Variants in NSUN6 observed in about 807,000 individuals in gnomAD.
NSUN6 encodes NOP2/Sun RNA methyltransferase 6.
Under a neutral mutation model 58.0 loss-of-function variants are expected in NSUN6, and 64 were observed. That is an observed-to-expected ratio of 1.10 (90% CI 0.90 to 1.36). The LOEUF (loss-of-function observed/expected upper bound fraction) is 1.36, where lower values mean the gene tolerates loss of function less well. NSUN6 is among the 40% of genes most tolerant of loss of function. NSUN6 has a pLI of 0.00. For missense variants in NSUN6, 701 were observed against 550.1 expected (o/e 1.27, Z -2.74); for synonymous variants, 231 against 193.9 (o/e 1.19, Z -1.59).
chr10:18,582,113 G>A (rs929785976), intron 8 of NSUN6, among the ~76,000 whole-genome samples: 3 of 152,028 alleles, frequency 2.0e-5, no homozygotes, highest in East Asian at 1.9e-4. Flanking sequence ...CCTTGCCTTC[G>A]TGTGCATGTG....
At position 18,636,798 on chromosome 10, in the gene NSUN6, A is replaced by C. The variant is rs988768467; in HGVS notation, c.311+5678T>G. 1.3e-4 allele frequency among the ~76,000 whole-genome samples: 20 copies of C among 152,090 alleles called. 1 individual carries two copies. In the South Asian group the frequency reaches 1.7e-3, roughly 13 times the overall value. On this transcript the variant is annotated intron_variant, in intron 3 of 10. Coordinates refer to ENST00000377304, the MANE Select transcript of NSUN6 (RefSeq NM_182543.5). ...TCCCAGCTACTCGGGAGGCTGAGGC[A>C]GAACTGCTTGAACCTGGGAGGCGGA...
intron 3 of NSUN6, among the ~76,000 whole-genome samples, chr10:18,633,234 C>T (rs1232935184): frequency 1.4e-5 from 2 of 145,280 alleles, no homozygotes; most frequent in Admixed American, 7.3e-5. Context: ...GGAAGGGGAA[C>T]ATCACACTCT....
chr10:18,650,247 G>A (rs1455554419), intron 1 of NSUN6, among the ~76,000 whole-genome samples: 1 of 146,010 alleles, frequency 6.8e-6, no homozygotes, highest in African/African-American at 2.5e-5. Context: ...TTTTTAACTT[G>A]ACTAAAAAAT....
At chr10:18,611,995 A>G (rs1361830700) in intron 5 of NSUN6, among the ~76,000 whole-genome samples, 1 of 152,158 alleles carries the variant, frequency 6.6e-6, no homozygotes, top group East Asian at 1.9e-4. Context: ...TTTTAATCAG[A>G]GGTAAAACTC....
In NSUN6 at chr10:18,567,450, GCTCCATTCCATTCCATT is replaced by G. The variant is rs1564731625; in HGVS notation, c.923-15496_923-15480del. Among the ~76,000 whole-genome samples the G allele has an allele frequency of 1.8e-4, 23 of 128,592 alleles. No homozygotes were observed. The South Asian group carries it at 5.8e-3, about 33-fold the overall frequency. The allele number at this position is 128,592 out of a possible 152,430, so 84.4% of individuals were successfully genotyped here. A position where few individuals can be genotyped will look rare whatever the true frequency, so the allele number is the denominator to read the frequency against. On this transcript the variant is annotated intron_variant, in intron 8 of 10. Coordinates refer to ENST00000377304, the MANE Select transcript of NSUN6 (RefSeq NM_182543.5). ...CATTCCATGCTCCATTCCATTCCAT[GCTCCATTCCATTCCATT>G]CTCCATACCATCCTCCATTCCATTC...
intron 6 of NSUN6, among the ~76,000 whole-genome samples, chr10:18,603,468 C>CTTTTTTTTTTTTTT (rs1465029374): frequency 6.7e-6 from 1 of 149,610 alleles, no homozygotes. Flanking sequence ...TTTTTCTTTT[C>CTTTTTTTTTTTTTT]TTTTCTTTTC....
chr10:18,594,416 T>G (rs2057500422), intron 7 of NSUN6, among the ~76,000 whole-genome samples: 1 of 150,660 alleles, frequency 6.6e-6, no homozygotes, highest in South Asian at 2.1e-4. Context: ...CCAGGTTCAG[T>G]GATAGACACT....
chr10:18,609,817 TA>T, intron 6 of NSUN6, 27 bp downstream of exon 6: 1 of 1,175,636 alleles, frequency 8.5e-7, no homozygotes, highest in Non-Finnish European at 1.3e-6. Flanking sequence ...TCAATGTCAC[TA>T]AATATTTTAC....
intron 8 of NSUN6, among the ~76,000 whole-genome samples, chr10:18,575,945 T>C (rs1333827549): frequency 2.0e-5 from 3 of 152,104 alleles, no homozygotes; most frequent in Non-Finnish European, 4.4e-5. Flanking sequence ...GGGGATCACA[T>C]CCTCATCAAA....
intron 3 of NSUN6, among the ~76,000 whole-genome samples, chr10:18,626,715 C>A (rs575416219): frequency 4.6e-5 from 7 of 152,174 alleles, no homozygotes; most frequent in South Asian, 4.1e-4. Flanking sequence ...TGCAGTGAGC[C>A]GAGATCGTGC....
In NSUN6 at chr10:18,548,259, C is replaced by CCA. The variant is rs752155395; in HGVS notation, c.1072-24_1072-23dup. 13 of 1,600,826 alleles carry CCA rather than the reference C, an allele frequency of 8.1e-6. No individual in the cohort carries two copies. In the South Asian group the frequency reaches 1.1e-4, roughly 14 times the overall value. On this transcript the variant is annotated intron_variant, in intron 9 of 10. Coordinates refer to ENST00000377304, the MANE Select transcript of NSUN6 (RefSeq NM_182543.5). ...CCGCCTAAAGAAAACTGTGATCAGACCACACACAGCACAAGACCAGATAAA... is the reference window on the plus strand; with the variant it reads ...CCGCCTAAAGAAAACTGTGATCAGACCACACACACAGCACAAGACCAGATAAA...
chr10:18,606,533 C>G (rs1344898971), intron 6 of NSUN6, among the ~76,000 whole-genome samples: 1 of 152,120 alleles, frequency 6.6e-6, no homozygotes, highest in Non-Finnish European at 1.5e-5. Flanking sequence ...ATATTCACAG[C>G]ATTTGGAGCT....
intron 1 of NSUN6, 39 bp from the exon 2 acceptor site, chr10:18,648,684 A>C (rs1322665121): frequency 8.0e-7 from 1 of 1,257,658 alleles, no homozygotes; most frequent in Non-Finnish European, 1.1e-6. Flanking sequence ...TGAGAATTAA[A>C]AACAGTCAGC....
rs3765181 is a variant in NSUN6 at position 18,548,002 on chromosome 10, G to A, written c.1197+110C>T. ...TAGATAAGCATTCTTGTTTATTACA[G>A]TGTTCACTTTGGAAGTTTTACTTAT... On this transcript the variant is annotated intron_variant, in intron 10 of 10. Transcript: ENST00000377304. 22,269 of 1,015,246 alleles carry A rather than the reference G, an allele frequency of 0.022. 2,681 individuals carry two copies. The East Asian group carries it at 0.35, about 16-fold the overall frequency. The allele number at this position is 1,015,246 out of a possible 1,614,324, so 62.9% of individuals were successfully genotyped here. A position where few individuals can be genotyped will look rare whatever the true frequency, so the allele number is the denominator to read the frequency against.
chr10:18,632,041 T>A (rs1294936812), intron 3 of NSUN6, among the ~76,000 whole-genome samples: 1 of 150,642 alleles, frequency 6.6e-6, no homozygotes, highest in Non-Finnish European at 1.5e-5. Context: ...AGCATGGTAC[T>A]GGTACCAAAA....
rs2057120139 is a variant in NSUN6, at chr10:18,586,010, G to C, written c.861C>G (p.Ile287Met). The change falls in exon 8 of 11, where the codon ATC (isoleucine) becomes ATG (methionine). Residue 287 changes from isoleucine (I) to methionine (M), a missense_variant. Ile to Met is a conservative substitution (Grantham distance 10, BLOSUM62 1). Coordinates refer to ENST00000377304, the MANE Select transcript of NSUN6 (RefSeq NM_182543.5). Reference protein sequence around the residue: ...QNALLLGLNSIRAFCFDGTKA... With the variant: ...QNALLLGLNSMRAFCFDGTKA... ...TTGTTCCATCAAAACAAAATGCCCT[G>C]ATGGAATTCAGCCCTAACAATAAGG... 1 of 1,612,082 alleles carries C rather than the reference G, an allele frequency of 6.2e-7. No homozygotes were observed. The highest frequency in any genetic ancestry group is 8.5e-7 in the Non-Finnish European group (1 of 1,179,272).
chr10:18,656,071 AC>A (rs1227587108), upstream of NSUN6, among the ~76,000 whole-genome samples: 2 of 152,206 alleles, frequency 1.3e-5, no homozygotes, highest in Non-Finnish European at 2.9e-5. Context: ...TAGGAGCGAG[AC>A]GTGAGTTTCT....
chr10:18,556,017 AAATG>A (rs1049618984), intron 8 of NSUN6, among the ~76,000 whole-genome samples: 1 of 150,974 alleles, frequency 6.6e-6, no homozygotes, highest in Non-Finnish European at 1.5e-5. Flanking sequence ...GAATGGAATG[AAATG>A]AAGACTGGAA....
At chr10:18,573,891 T>C (rs149127704) in intron 8 of NSUN6, among the ~76,000 whole-genome samples, 54 of 152,244 alleles carry the variant, frequency 3.5e-4, no homozygotes, top group African/African-American at 1.3e-3. Context: ...TACTGCCACT[T>C]ATGGATTGAC....
Sources: allele counts gnomAD v4.1 joint callset (sites outside exome capture counted in the v4.1 genomes callset), GRCh38; gene constraint gnomAD v4.1.1; transcripts MANE v1.5; gene names NCBI Gene and HGNC (gene_info 2026-07-23, HGNC 2026-07-21).